The following CPVL variants were observed in gnomAD, a reference collection of about 807,000 sequenced individuals.
CPVL encodes probable serine carboxypeptidase CPVL.
A neutral mutation model predicts 63.7 loss-of-function variants in CPVL; 51 were observed. The ratio of observed to expected loss-of-function variants is 0.80; its 90% CI spans 0.64 to 1.01. The LOEUF is 1.01. Ranked by LOEUF, CPVL falls within the 50% of genes least tolerant of loss-of-function variation. CPVL has a pLI of 0.00. For synonymous variants in CPVL, 195 were observed against 206.0 expected, an observed-to-expected ratio of 0.95 and a Z score of 0.46; for missense variants, 530 against 573.1, an observed-to-expected ratio of 0.92 and a Z score of 0.77.
chr7:29,082,434 C>A (rs551766937), intron 7 of CPVL: 1 of 152,230 alleles, frequency 6.6e-6, no homozygotes, highest in Non-Finnish European at 1.5e-5. Flanking sequence ...ACGCCTTCCA[C>A]TTCTCTTTTC....
downstream of CPVL, among the ~76,000 whole-genome samples, chr7:28,994,880 TCA>T (rs1179532570): frequency 6.6e-6 from 1 of 152,246 alleles, no homozygotes; most frequent in Non-Finnish European, 1.5e-5. Context: ...TTGTAGAATT[TCA>T]GAGATGTGAG....
chr7:29,091,346 C>T (rs1253823690), intron 6 of CPVL, among the ~76,000 whole-genome samples: 1 of 151,376 alleles, frequency 6.6e-6, no homozygotes, highest in Non-Finnish European at 1.5e-5. Flanking sequence ...AACCTCTGCC[C>T]TCAGGGTGTT....
chr7:29,102,279 C>T (rs941186329), intron 3 of CPVL, among the ~76,000 whole-genome samples: 2 of 152,128 alleles, frequency 1.3e-5, no homozygotes, highest in African/African-American at 4.8e-5. Context: ...ATGCACAGCA[C>T]TGAGAACAGT....
At chr7:29,143,521 T>C (rs1792125677) in intron 1 of CPVL, among the ~76,000 whole-genome samples, 1 of 152,158 alleles carries the variant, frequency 6.6e-6, no homozygotes, top group Admixed American at 6.5e-5. Context: ...CTGGGTTACA[T>C]TCTCTCCCAA....
intron 5 of CPVL, among the ~76,000 whole-genome samples, chr7:29,159,911 A>G (rs990056697): frequency 1.3e-5 from 2 of 152,218 alleles, no homozygotes; most frequent in Admixed American, 6.5e-5. Flanking sequence ...TATTTGTGGA[A>G]GGACGTAATT....
chr7:29,181,773 T>G (rs945207663), intron 4 of CPVL, among the ~76,000 whole-genome samples: 2 of 152,158 alleles, frequency 1.3e-5, no homozygotes, highest in Non-Finnish European at 2.9e-5. Context: ...TTTATATAGG[T>G]CCTAACAAAC....
intron 1 of CPVL, chr7:29,186,591 G>A (rs1798746582): frequency 6.6e-6 from 1 of 151,636 alleles, no homozygotes; most frequent in Non-Finnish European, 1.5e-5. Flanking sequence ...AGAAAGAAAG[G>A]GAGGAAGGAA....
At chr7:29,164,403 A>G (rs895612295) in intron 5 of CPVL, among the ~76,000 whole-genome samples, 1 of 152,204 alleles carries the variant, frequency 6.6e-6, no homozygotes, top group African/African-American at 2.4e-5. Context: ...TTCATAAAAT[A>G]TATATTTTGC....
At chr7:29,156,122 A>G (rs754439348) in intron 5 of CPVL, among the ~76,000 whole-genome samples, 3 of 152,306 alleles carry the variant, frequency 2.0e-5, no homozygotes, top group Non-Finnish European at 4.4e-5. Flanking sequence ...AGACAGAGAA[A>G]ACTGGAAAAC....
At chr7:29,189,300 A>G (rs1421047745) in intron 1 of CPVL, among the ~76,000 whole-genome samples, 1 of 152,130 alleles carries the variant, frequency 6.6e-6, no homozygotes, top group Non-Finnish European at 1.5e-5. Context: ...TCCCTGGCAC[A>G]TAATGAGTGT....
chr7:29,162,712 C>G (rs56997419), intron 5 of CPVL, among the ~76,000 whole-genome samples: 1 of 150,898 alleles, frequency 6.6e-6, no homozygotes, highest in African/African-American at 2.4e-5. Flanking sequence ...AAGCCAGTCT[C>G]GAAGGATTAC....
intron 11 of CPVL, among the ~76,000 whole-genome samples, chr7:29,054,351 T>C (rs1790501730): frequency 6.6e-6 from 1 of 152,204 alleles, no homozygotes; most frequent in Non-Finnish European, 1.5e-5. Context: ...GCACTTGAAA[T>C]AATTTTTTTG....
At chr7:29,090,198 C>G (rs1309325930) in intron 6 of CPVL, among the ~76,000 whole-genome samples, 1 of 152,146 alleles carries the variant, frequency 6.6e-6, no homozygotes, top group East Asian at 1.9e-4. Flanking sequence ...TCCAAAACCC[C>G]TCACAGGCTA....
chr7:29,019,473 C>T (rs541461816), intron 12 of CPVL, among the ~76,000 whole-genome samples: 2 of 152,268 alleles, frequency 1.3e-5, no homozygotes, highest in East Asian at 3.9e-4. Flanking sequence ...AAATTGCTCC[C>T]TCTCTCGGTA....
intron 12 of CPVL, among the ~76,000 whole-genome samples, chr7:29,000,540 C>G (rs553427021): frequency 6.6e-6 from 1 of 151,990 alleles, no homozygotes; most frequent in Non-Finnish European, 1.5e-5. Flanking sequence ...CGTGAAGCTG[C>G]GGGCGCATGC....
chr7:29,066,097 C>A lies in CPVL; in HGVS notation c.889G>T (p.Asp297Tyr). The change falls in exon 10 of 13, where the codon GAC (aspartate) becomes TAC (tyrosine). Residue 297 changes from aspartate to tyrosine, a missense_variant. Physicochemically the swap from Asp to Tyr is radical, Grantham distance 160 (BLOSUM62 -3). Transcript: ENST00000265394. ...FEILDKLLDG[D>Y]LTSDPSYFQN... ...AAGTAAGAAGGATCACTTGTTAAGTCGCCATCTAGTAGTTTATCCAGTATC... is the reference window on the plus strand; with the variant it reads ...AAGTAAGAAGGATCACTTGTTAAGTAGCCATCTAGTAGTTTATCCAGTATC... 6.3e-7 allele frequency: 1 copy of A among 1,598,318 alleles called. No homozygotes were observed. Among genetic ancestry groups the A allele is most frequent in the Non-Finnish European group, 8.6e-7 (1 of 1,168,928 alleles).
chr7:29,027,176 G>T (rs1198448861), intron 12 of CPVL, among the ~76,000 whole-genome samples: 2 of 152,092 alleles, frequency 1.3e-5, no homozygotes, highest in Non-Finnish European at 2.9e-5. Context: ...TGCAAGGATG[G>T]TTCAACATAT....
downstream of CPVL, among the ~76,000 whole-genome samples, chr7:28,994,782 G>T (rs1437483661): frequency 6.6e-6 from 1 of 152,132 alleles, no homozygotes; most frequent in Non-Finnish European, 1.5e-5. Flanking sequence ...GCAAGAACAG[G>T]CTTTGACTTT....
At chr7:29,050,626 T>TAA (rs1447765794) in intron 11 of CPVL, among the ~76,000 whole-genome samples, 60 of 152,196 alleles carry the variant, frequency 3.9e-4, no homozygotes, top group African/African-American at 1.3e-3. Flanking sequence ...ATCCCATACT[T>TAA]ATGGATGGGT....
Sources: allele counts gnomAD v4.1 joint callset (sites outside exome capture counted in the v4.1 genomes callset), GRCh38; gene constraint gnomAD v4.1.1; transcripts MANE v1.5; gene names NCBI Gene and HGNC (gene_info 2026-07-23, HGNC 2026-07-21).